The following ROCK2 variants were observed in gnomAD, a reference collection of about 807,000 sequenced individuals.
ROCK2 encodes Rho associated coiled-coil containing protein kinase 2, also known as rho-associated protein kinase 2.
ROCK2 carries 61 observed loss-of-function variants against 195.1 expected under a neutral mutation model. That is an observed-to-expected ratio of 0.31 (90% CI 0.25 to 0.39). The LOEUF (loss-of-function observed/expected upper bound fraction) is 0.39. ROCK2 is among the 10% of genes least tolerant of loss of function. The pLI, the probability that ROCK2 is intolerant of heterozygous loss-of-function variation, is 1.00. For synonymous variants in ROCK2, 504 were observed against 545.5 expected (o/e 0.92, Z 1.06); for missense variants, 1,109 against 1,637.4 (o/e 0.68, Z 5.57).
In ROCK2 at chr2:11,211,718, A is replaced by G; in HGVS notation, c.2166T>C (p.Tyr722=). Residue 722 remains tyrosine, a synonymous_variant, in exon 18 of 33, where the codon TAT becomes TAC. Coordinates refer to ENST00000315872, the MANE Select transcript of ROCK2 (RefSeq NM_004850.5). ...CTGATTTGGCTTCTTCGATGGACTC[A>G]TAGATCTTATTTTTATCTGCTAGTC... is the stretch of plus-strand genomic sequence containing the variant. ...KARLADKNKI[Y]ESIEEAKSEA... is the part of the protein sequence containing the mutation. 6.2e-7 allele frequency: 1 copy of G among 1,613,104 alleles called. No homozygotes were observed. The highest frequency in any genetic ancestry group is 1.1e-5 in the South Asian group (1 of 90,948).
At chr2:11,242,323 C>T (rs1404071868) in intron 4 of ROCK2, among the ~76,000 whole-genome samples, 4 of 152,064 alleles carry the variant, frequency 2.6e-5, no homozygotes, top group Non-Finnish European at 5.9e-5. Flanking sequence ...ACTTTTACTG[C>T]ATTAAAATTA....
chr2:11,322,006 A>G (rs72789538), intron 1 of ROCK2, among the ~76,000 whole-genome samples: 6,449 of 152,110 alleles, frequency 0.042, 275 homozygotes, highest in Non-Finnish European at 0.06. Flanking sequence ...GTGTCCTTCT[A>G]AGAAGAGGAG....
intron 1 of ROCK2, among the ~76,000 whole-genome samples, chr2:11,327,751 C>T (rs558602668): frequency 1.3e-5 from 2 of 152,242 alleles, no homozygotes; most frequent in East Asian, 3.9e-4. Context: ...TTTGTAGAGA[C>T]AGGGTTTCAC....
chr2:11,206,609 C>G (rs1664060707), intron 20 of ROCK2, among the ~76,000 whole-genome samples: 1 of 152,206 alleles, frequency 6.6e-6, no homozygotes, highest in South Asian at 2.1e-4. Flanking sequence ...ACAAAGTCTA[C>G]TTGAATATTT....
intron 4 of ROCK2, among the ~76,000 whole-genome samples, chr2:11,239,599 A>G (rs937804449): frequency 2.6e-5 from 4 of 152,254 alleles, no homozygotes; most frequent in African/African-American, 9.6e-5. Flanking sequence ...TTCATTATTC[A>G]TAATGGCCAA....
Position 11,207,789 on chromosome 2 carries a change from T to C in ROCK2, c.2486A>G (p.Gln829Arg). The change falls in exon 20 of 33, where the codon CAA becomes CGA. Residue 829 changes from glutamine (Q) to arginine (R), a missense_variant. This residue lies in a region of ROCK2 where 542 missense variants were observed against 672.0 expected (regional missense o/e 0.81). Coordinates refer to ENST00000315872, the MANE Select transcript of ROCK2 (RefSeq NM_004850.5). ...CATTTCCATGAGATGGTTATTTTCT[T>C]GCTTTAACTGCTTTTCTGACATTTT... ...TLKMSEKQLK[Q>R]ENNHLMEMKM... is the part of the protein sequence containing the mutation. The C allele has an allele frequency of 6.2e-7, 1 of 1,611,922 alleles. No homozygotes were observed. Among genetic ancestry groups the C allele is most frequent in the Non-Finnish European group, 8.5e-7 (1 of 1,178,590 alleles).
At chr2:11,242,914 G>A (rs996971032) in intron 4 of ROCK2, among the ~76,000 whole-genome samples, 1 of 152,156 alleles carries the variant, frequency 6.6e-6, no homozygotes, top group African/African-American at 2.4e-5. Context: ...GGAGCCAGCT[G>A]GAGAACTCTC....
chr2:11,343,967 G>A (rs775276780), intron 1 of ROCK2, 29 bp downstream of exon 1: 13 of 1,582,774 alleles, frequency 8.2e-6, no homozygotes, highest in South Asian at 1.1e-5. Context: ...GAGCTGCAAC[G>A]AGCAAGCTCC....
intron 1 of ROCK2, among the ~76,000 whole-genome samples, chr2:11,304,723 C>T (rs2148221313): frequency 6.6e-6 from 1 of 152,302 alleles, no homozygotes; most frequent in East Asian, 1.9e-4. Flanking sequence ...CAAACCTCAC[C>T]TCCCATTACT....
chr2:11,248,708 C>CAAAAAAAGAAAAAAAA (rs1665714107), intron 4 of ROCK2, among the ~76,000 whole-genome samples: 1 of 45,412 alleles, frequency 2.2e-5, no homozygotes. Context: ...GACTTCATCT[C>CAAAAAAAGAAAAAAAA]AAAAAAAAAA....
intron 1 of ROCK2, among the ~76,000 whole-genome samples, chr2:11,288,073 C>T (rs1198185353): frequency 6.6e-6 from 1 of 152,174 alleles, no homozygotes; most frequent in Non-Finnish European, 1.5e-5. Context: ...TCAAGAAATA[C>T]AGCTACACTA....
rs767623675 is a variant in ROCK2 at position 11,217,149 on chromosome 2, T to C, written c.1353A>G (p.Thr451=). Reference sequence around the variant, plus strand: ...TCTCATTGCTAAGATGTTCTTCTAATGTATACAGTTTTTTCTGAATCTGTC... The same window carrying C: ...TCTCATTGCTAAGATGTTCTTCTAACGTATACAGTTTTTTCTGAATCTGTC... ...ESQEIQKKLY[T]LEEHLSNEMQ... is the part of the protein sequence containing the mutation. The change falls in exon 12 of 33, where the codon ACA becomes ACG. Residue 451 remains threonine, a synonymous_variant. Coordinates refer to ENST00000315872, the MANE Select transcript of ROCK2 (RefSeq NM_004850.5). The C allele has an allele frequency of 1.1e-5, 18 of 1,565,824 alleles. No homozygotes were observed. Among genetic ancestry groups the C allele is most frequent in the South Asian group, 2.2e-5 (2 of 89,514 alleles).
chr2:11,345,012 G>GC, upstream of ROCK2, among the ~76,000 whole-genome samples: 1 of 150,890 alleles, frequency 6.6e-6, no homozygotes, highest in South Asian at 2.1e-4. Context: ...ACCGTGCGCT[G>GC]GGGGGGAGCC....
intron 1 of ROCK2, among the ~76,000 whole-genome samples, chr2:11,337,517 A>C (rs1668967641): frequency 6.6e-6 from 1 of 152,220 alleles, no homozygotes; most frequent in South Asian, 2.1e-4. Flanking sequence ...AAATCATGCA[A>C]ATCGAAATCA....
upstream of ROCK2, chr2:11,344,638 C>G (rs1161886195): frequency 7.3e-6 from 1 of 137,166 alleles, no homozygotes; most frequent in African/African-American, 2.5e-5. The surrounding 1 kb of genome is among the most constrained non-coding windows in gnomAD (Gnocchi z 5.4). Flanking sequence ...CGCCCGTCTC[C>G]GGCCGCGCGC....
intron 5 of ROCK2, chr2:11,234,417 C>A (rs1474614626): frequency 6.6e-6 from 1 of 152,118 alleles, no homozygotes; most frequent in African/African-American, 2.4e-5. Context: ...TTATGTATAG[C>A]AGACATAAGT....
chr2:11,254,668 G>A lies in ROCK2; in HGVS notation c.325-4870C>T, dbSNP rs145433021. On this transcript the variant is annotated intron_variant, in intron 3 of 32. Transcript: ENST00000315872. ...CCAGCACTTTGGGAAGCTGAGGCAGGAGGACTGCTTAAGCCCAAGAGTTTG... is the reference window on the plus strand; with the variant it reads ...CCAGCACTTTGGGAAGCTGAGGCAGAAGGACTGCTTAAGCCCAAGAGTTTG... Among the ~76,000 whole-genome samples, 1,275 of 140,524 alleles carry A rather than the reference G, an allele frequency of 9.1e-3. 15 individuals are homozygous for A. Among genetic ancestry groups the A allele is most frequent in the African/African-American group, 0.031 (1,206 of 38,396 alleles). The allele number at this position is 140,524 out of a possible 152,430, so 92.2% of individuals were successfully genotyped here. A position where few individuals can be genotyped will look rare whatever the true frequency, so the allele number is the denominator to read the frequency against.
chr2:11,251,187 C>A (rs1457480554), intron 3 of ROCK2, among the ~76,000 whole-genome samples: 1 of 152,198 alleles, frequency 6.6e-6, no homozygotes, highest in Non-Finnish European at 1.5e-5. Flanking sequence ...CATCTTACAT[C>A]CCATTTTTAA....
In ROCK2 at chr2:11,216,193, G is replaced by T; in HGVS notation, c.1426C>A (p.Arg476Ser). 1 of 1,610,642 alleles carries T rather than the reference G, an allele frequency of 6.2e-7. No individual in the cohort carries two copies. The highest frequency in any genetic ancestry group is 8.5e-7 in the Non-Finnish European group (1 of 1,177,198). The change falls in exon 13 of 33, where the codon CGC (arginine) becomes AGC (serine). Residue 476 changes from arginine to serine, a missense_variant. Transcript: ENST00000315872. ...AGCTCCTTTGCTGTTTTTTCTAGGC[G>T]AGTATTAACAGATCTAAAGAATTTC... ...LEQKCKSVNTRLEKTAKELEE... is the reference protein window; with the variant it reads ...LEQKCKSVNTSLEKTAKELEE...
Sources: gnomAD v4.1 joint callset for allele counts (sites outside exome capture counted in the v4.1 genomes callset) on GRCh38, gnomAD v4.1.1 for gene constraint, gnomAD v4.1.1 regional missense constraint, Gnocchi (gnomAD v3.1) non-coding constraint, MANE v1.5 for transcripts, NCBI Gene and HGNC (gene_info 2026-07-23, HGNC 2026-07-21) for gene names.